Variants in DLGAP1 observed in about 807,000 individuals in gnomAD.
DLGAP1 encodes DLG associated protein 1, also known as disks large-associated protein 1.
In DLGAP1, 11 loss-of-function variants were observed where a neutral mutation model predicts 90.8. The ratio of observed to expected loss-of-function variants is 0.12; its 90% CI spans 0.08 to 0.20. The LOEUF is 0.20. Ranked by LOEUF, DLGAP1 falls within the 10% of genes least tolerant of loss-of-function variation. The pLI, the probability that DLGAP1 is intolerant of heterozygous loss-of-function variation, is 1.00. For synonymous variants in DLGAP1, 558 were observed against 540.7 expected (o/e 1.03, Z -0.44); for missense variants, 1,050 against 1,333.8 (o/e 0.79, Z 3.31).
intron 1 of DLGAP1, among the ~76,000 whole-genome samples, chr18:4,244,845 T>G (rs1200774616): frequency 6.6e-6 from 1 of 152,186 alleles, no homozygotes; most frequent in Non-Finnish European, 1.5e-5. Flanking sequence ...TCCGCTATCA[T>G]CCAGTGTAAC....
In DLGAP1 at chr18:3,965,443, T is replaced by C. The variant is rs190330690; in HGVS notation, c.-73+39673A>G. ...CATCTGTTTTTGGAAATTTTGGCTT[T>C]TGGGATTTAAGAACAGATTTAAATG... On this transcript the variant is annotated intron_variant, in intron 3 of 12. Coordinates refer to ENST00000315677, the MANE Select transcript of DLGAP1 (RefSeq NM_004746.4). 1.8e-3 allele frequency among the ~76,000 whole-genome samples: 271 copies of C among 152,340 alleles called. 3 individuals carry two copies. The highest frequency in any genetic ancestry group is 6.1e-3 in the African/African-American group (253 of 41,584).
At chr18:4,099,341 A>ATCTCTCTG (rs1313283586) in intron 2 of DLGAP1, among the ~76,000 whole-genome samples, 1 of 72,530 alleles carries the variant, frequency 1.4e-5, no homozygotes, top group Admixed American at 1.2e-4. Flanking sequence ...CTATCTATCT[A>ATCTCTCTG]TCTATCTGTC....
At chr18:4,033,755 T>C (rs2074838310) in intron 2 of DLGAP1, among the ~76,000 whole-genome samples, 1 of 151,692 alleles carries the variant, frequency 6.6e-6, no homozygotes, top group East Asian at 1.9e-4. Context: ...TTTTTTTTTT[T>C]TTGAGACAGA....
In DLGAP1 at chr18:4,022,839, A is replaced by G. The variant is rs374007990; in HGVS notation, c.-158-17638T>C. On this transcript the variant is annotated intron_variant, in intron 2 of 12. Coordinates refer to ENST00000315677, the MANE Select transcript of DLGAP1 (RefSeq NM_004746.4). Reference sequence around the variant, plus strand: ...AGGGATTCCATTTCTATATATCTTCACCAGCATTTGATGTTATGCAACTTT... The same window carrying G: ...AGGGATTCCATTTCTATATATCTTCGCCAGCATTTGATGTTATGCAACTTT... Among the ~76,000 whole-genome samples the G allele has an allele frequency of 3.8e-3, 447 of 116,596 alleles. 42 individuals carry two copies. Among genetic ancestry groups the G allele is most frequent in the Non-Finnish European group, 3.8e-3 (190 of 50,626 alleles). 76.5% of individuals were successfully genotyped at this position (116,596 alleles called of 152,430 possible). A position where few individuals can be genotyped will look rare whatever the true frequency, so the allele number is the denominator to read the frequency against.
intron 3 of DLGAP1, among the ~76,000 whole-genome samples, chr18:3,956,556 G>A (rs572794132): frequency 6.6e-6 from 1 of 152,066 alleles, no homozygotes; most frequent in Admixed American, 6.6e-5. Context: ...CGCCGTGTTA[G>A]CCAGGATGGT....
chr18:4,013,031 C>A (rs1221587485), intron 2 of DLGAP1, among the ~76,000 whole-genome samples: 4 of 152,152 alleles, frequency 2.6e-5, no homozygotes, highest in African/African-American at 9.7e-5. Flanking sequence ...ATTGTGATTG[C>A]AATATCCTTT....
chr18:3,528,954 T>G (rs967845882), intron 10 of DLGAP1, among the ~76,000 whole-genome samples: 1 of 152,240 alleles, frequency 6.6e-6, no homozygotes, highest in African/African-American at 2.4e-5. Context: ...ACTAGCCACC[T>G]GTCCCACACG....
At chr18:4,413,115 G>T (rs558374864) in intron 1 of DLGAP1, among the ~76,000 whole-genome samples, 40 of 152,268 alleles carry the variant, frequency 2.6e-4, no homozygotes, top group African/African-American at 9.1e-4. Context: ...ATGGTGTTCA[G>T]ATGGAGATCT....
Position 3,515,487 on chromosome 18 carries a change from T to A in DLGAP1, c.2480-6826A>T, listed in dbSNP as rs1251097393. Among the ~76,000 whole-genome samples the A allele has an allele frequency of 2.1e-3, 81 of 38,840 alleles. 1 individual carries two copies. The highest frequency in any genetic ancestry group is 3.5e-3 in the East Asian group (4 of 1,128). 25.5% of individuals were successfully genotyped at this position (38,840 alleles called of 152,430 possible). On this transcript the variant is annotated intron_variant, in intron 10 of 12. Transcript: ENST00000315677. ...CCATCTCAAAAAAAAAAAAAAAAAA[T>A]TGGAGTCAAGGCTGGGCGTGGTGGC...
chr18:3,772,939 A>T (rs1342610525), intron 5 of DLGAP1, among the ~76,000 whole-genome samples: 1 of 152,122 alleles, frequency 6.6e-6, no homozygotes, highest in Non-Finnish European at 1.5e-5. Flanking sequence ...ATGGTATTGA[A>T]CGGAGCCCCT....
At chr18:3,982,363 C>A (rs953772097) in intron 3 of DLGAP1, among the ~76,000 whole-genome samples, 12 of 139,692 alleles carry the variant, frequency 8.6e-5, no homozygotes, top group African/African-American at 3.2e-4. Flanking sequence ...TTCTTCAGAT[C>A]ACCTTTGACT....
In DLGAP1 at chr18:4,139,325, T is replaced by C. The variant is rs369227137; in HGVS notation, c.-159+11855A>G. Among the ~76,000 whole-genome samples, 36 of 152,132 alleles carry C rather than the reference T, an allele frequency of 2.4e-4. 3 individuals are homozygous for C. Among genetic ancestry groups the C allele is most frequent in the Admixed American group, 5.9e-4 (9 of 15,284 alleles). ...TAGGCTTTCATACGTTGTGTTTCCA[T>C]TATCATTTGTTTCACGACATATTTA... On this transcript the variant is annotated intron_variant, in intron 2 of 12. Transcript: ENST00000315677.
intron 1 of DLGAP1, among the ~76,000 whole-genome samples, chr18:4,321,633 A>T (rs2080688850): frequency 6.6e-6 from 1 of 152,214 alleles, no homozygotes; most frequent in South Asian, 2.1e-4. Context: ...CTCCTAGAAA[A>T]TTCAGAGCAG....
chr18:3,835,501 T>C (rs1460887288), intron 4 of DLGAP1, among the ~76,000 whole-genome samples: 1 of 151,792 alleles, frequency 6.6e-6, no homozygotes, highest in Non-Finnish European at 1.5e-5. Context: ...CACAAAAAAT[T>C]AGCTGGGCGT....
intron 4 of DLGAP1, among the ~76,000 whole-genome samples, chr18:3,871,687 T>C (rs563827704): frequency 1.3e-5 from 2 of 152,210 alleles, no homozygotes; most frequent in Non-Finnish European, 2.9e-5. Context: ...TAATGAATTT[T>C]CCAACGTCTA....
chr18:4,119,138 C>CACAG (rs2076111842), intron 2 of DLGAP1, among the ~76,000 whole-genome samples: 1 of 152,078 alleles, frequency 6.6e-6, no homozygotes, highest in Non-Finnish European at 1.5e-5. Context: ...GTGGTCCAGG[C>CACAG]TAGAGTGCAG....
At chr18:3,560,413 C>G (rs1248664053) in intron 9 of DLGAP1, among the ~76,000 whole-genome samples, 7 of 67,272 alleles carry the variant, frequency 1.0e-4, no homozygotes, top group African/African-American at 4.5e-4. Context: ...AGCGAGACTC[C>G]GTCTCAAAAA....
chr18:4,105,536 C>G (rs2075844412), intron 2 of DLGAP1, among the ~76,000 whole-genome samples: 1 of 152,184 alleles, frequency 6.6e-6, no homozygotes, highest in Non-Finnish European at 1.5e-5. Context: ...ACTCACTTAT[C>G]GTTGAGTTTG....
At chr18:4,282,339 G>A (rs4798208) in intron 1 of DLGAP1, among the ~76,000 whole-genome samples, 35,218 of 148,932 alleles carry the variant, frequency 0.24, 4,330 homozygotes, top group African/African-American at 0.29. Context: ...ATTCCAACCT[G>A]GGCAACAAAG....
Sources: gnomAD v4.1 joint callset for allele counts (sites outside exome capture counted in the v4.1 genomes callset) on GRCh38, gnomAD v4.1.1 for gene constraint, MANE v1.5 for transcripts, NCBI Gene and HGNC (gene_info 2026-07-23, HGNC 2026-07-21) for gene names.